Variants in PAX5 observed in about 807,000 individuals in gnomAD.
The protein encoded by PAX5 is paired box protein Pax-5.
Under a neutral mutation model 43.7 loss-of-function variants are expected in PAX5, and 9 were observed. The ratio of observed to expected loss-of-function variants is 0.21; its 90% CI spans 0.12 to 0.36. PAX5 has a LOEUF of 0.36. Ranked by LOEUF, PAX5 falls within the 10% of genes least tolerant of loss-of-function variation. The pLI, the probability that PAX5 is intolerant of heterozygous loss-of-function variation, is 1.00. For missense variants in PAX5, 383 were observed against 532.7 expected (o/e 0.72, Z 2.77); for synonymous variants, 228 against 214.3 (o/e 1.06, Z -0.56).
intron 6 of PAX5, among the ~76,000 whole-genome samples, chr9:36,936,942 C>T (rs953950152): frequency 1.3e-5 from 2 of 152,220 alleles, no homozygotes; most frequent in African/African-American, 2.4e-5. Context: ...ACACGTGATG[C>T]TCTGCAAAGG....
intron 6 of PAX5, among the ~76,000 whole-genome samples, chr9:36,933,070 A>G (rs1454001567): frequency 6.6e-6 from 1 of 151,430 alleles, no homozygotes; most frequent in Non-Finnish European, 1.5e-5. Context: ...CTTGAACCCC[A>G]GAGGCGAACT....
chr9:36,838,769 G>A lies in PAX5; in HGVS notation c.*1791C>T, dbSNP rs1821822343. On this transcript the variant is annotated 3_prime_UTR_variant, in exon 10 of 10. Coordinates refer to ENST00000358127, the MANE Select transcript of PAX5 (RefSeq NM_016734.3). Reference sequence around the variant, plus strand: ...AGCCCCGGCTCCCTGGAGAGAGGAGGGGAAGGAAAGAGCTGTGGGGTGGCC... The same window carrying A: ...AGCCCCGGCTCCCTGGAGAGAGGAGAGGAAGGAAAGAGCTGTGGGGTGGCC... The A allele has an allele frequency of 4.3e-6, 1 of 233,296 alleles. No homozygotes were observed. The highest frequency in any genetic ancestry group is 1.8e-4 in the South Asian group (1 of 5,532). 14.5% of individuals were successfully genotyped at this position (233,296 alleles called of 1,614,324 possible).
intron 6 of PAX5, among the ~76,000 whole-genome samples, chr9:36,950,170 T>C (rs888594607): frequency 6.6e-6 from 1 of 152,178 alleles, no homozygotes; most frequent in Non-Finnish European, 1.5e-5. Flanking sequence ...AACCAACAGG[T>C]AGATAAAGTT....
At chr9:36,918,313 C>T (rs1413142296) in intron 7 of PAX5, among the ~76,000 whole-genome samples, 1 of 152,162 alleles carries the variant, frequency 6.6e-6, no homozygotes, top group African/African-American at 2.4e-5. Flanking sequence ...TTCCAGTGAA[C>T]ACATGAATGA....
chr9:36,935,110 G>A (rs1189318646), intron 6 of PAX5, among the ~76,000 whole-genome samples: 1 of 152,218 alleles, frequency 6.6e-6, no homozygotes, highest in East Asian at 1.9e-4. Flanking sequence ...GGCCAGGCAT[G>A]GTGGCTCATG....
intron 6 of PAX5, among the ~76,000 whole-genome samples, chr9:36,952,592 TG>T (rs765260277): frequency 1.3e-5 from 2 of 152,242 alleles, no homozygotes; most frequent in Non-Finnish European, 2.9e-5. Flanking sequence ...CAACTGAACG[TG>T]TCATACAATT....
intron 7 of PAX5, among the ~76,000 whole-genome samples, chr9:36,912,970 T>C (rs916098939): frequency 6.6e-6 from 1 of 152,170 alleles, no homozygotes; most frequent in African/African-American, 2.4e-5. Flanking sequence ...ACCAGTTAGG[T>C]GCAAAGTCCA....
At chr9:36,875,151 C>T (rs1825806895) in intron 8 of PAX5, among the ~76,000 whole-genome samples, 1 of 152,180 alleles carries the variant, frequency 6.6e-6, no homozygotes, top group Non-Finnish European at 1.5e-5. Context: ...TCTAACAGCG[C>T]TACCACTCCC....
At chr9:36,858,781 G>A (rs1386759268) in intron 8 of PAX5, among the ~76,000 whole-genome samples, 3 of 151,988 alleles carry the variant, frequency 2.0e-5, no homozygotes, top group South Asian at 4.2e-4. Flanking sequence ...ACTTTCCTGC[G>A]GCCCAGACCT....
At chr9:36,983,764 T>C (rs1836140749) in intron 5 of PAX5, among the ~76,000 whole-genome samples, 1 of 152,112 alleles carries the variant, frequency 6.6e-6, no homozygotes, top group South Asian at 2.1e-4. Flanking sequence ...ATGAGCCACC[T>C]TGCCCAGCTG....
chr9:36,852,144 G>T (rs1413278149), intron 8 of PAX5, among the ~76,000 whole-genome samples: 1 of 152,144 alleles, frequency 6.6e-6, no homozygotes, highest in East Asian at 1.9e-4. Context: ...ACCCCTGTGT[G>T]GTGGGGACTA....
intron 1 of PAX5, among the ~76,000 whole-genome samples, chr9:37,024,382 C>T (rs766112648): frequency 4.0e-5 from 6 of 151,858 alleles, no homozygotes; most frequent in African/African-American, 7.3e-5. Context: ...GGTAGGGGGA[C>T]GGAGGCAGGG....
chr9:36,946,433 C>T (rs1475282289), intron 6 of PAX5, among the ~76,000 whole-genome samples: 2 of 152,106 alleles, frequency 1.3e-5, no homozygotes, highest in Non-Finnish European at 2.9e-5. Context: ...AATAAGATTC[C>T]CCACAACCAG....
At chr9:36,993,413 G>A (rs1453970984) in intron 5 of PAX5, among the ~76,000 whole-genome samples, 2 of 152,122 alleles carry the variant, frequency 1.3e-5, no homozygotes, top group Non-Finnish European at 2.9e-5. Context: ...CCAAACATTT[G>A]AGAACTGCTG....
chr9:36,852,488 C>T (rs1177803551), intron 8 of PAX5, among the ~76,000 whole-genome samples: 5 of 152,056 alleles, frequency 3.3e-5, no homozygotes, highest in South Asian at 2.1e-4. Flanking sequence ...AGGTAGCCTT[C>T]GGAGGAAAAA....
At chr9:36,845,941 C>A (rs906805708) in intron 9 of PAX5, among the ~76,000 whole-genome samples, 3 of 152,194 alleles carry the variant, frequency 2.0e-5, no homozygotes, top group Non-Finnish European at 2.9e-5. Context: ...AGGGCCCTTC[C>A]ATGTCTGACC....
chr9:36,968,018 T>C (rs1313609777), intron 5 of PAX5, among the ~76,000 whole-genome samples: 1 of 152,142 alleles, frequency 6.6e-6, no homozygotes, highest in Non-Finnish European at 1.5e-5. Context: ...AGAGGGCAAA[T>C]GTTTCCCGTG....
At chr9:36,864,088 A>G (rs1010165140) in intron 8 of PAX5, among the ~76,000 whole-genome samples, 4 of 152,310 alleles carry the variant, frequency 2.6e-5, no homozygotes, top group East Asian at 1.9e-4. Context: ...CAGCCTGGGC[A>G]TCAGAGCGAG....
intron 2 of PAX5, among the ~76,000 whole-genome samples, chr9:37,019,915 G>C (rs577066031): frequency 6.5e-4 from 99 of 152,256 alleles, no homozygotes; most frequent in Non-Finnish European, 1.3e-3. Flanking sequence ...GCCTGTCTAG[G>C]TTTGTTTTCT....
Sources: gnomAD v4.1 joint callset for allele counts (sites outside exome capture counted in the v4.1 genomes callset) on GRCh38, gnomAD v4.1.1 for gene constraint, MANE v1.5 for transcripts, NCBI Gene and HGNC (gene_info 2026-07-23, HGNC 2026-07-21) for gene names.